Variants in VEPH1 observed in about 807,000 individuals in gnomAD.
VEPH1 encodes the protein ventricular zone expressed PH domain containing 1.
A neutral mutation model predicts 85.2 loss-of-function variants in VEPH1; 80 were observed. The observed-to-expected ratio is 0.94, with a 90% CI of 0.78 to 1.13. VEPH1 has a LOEUF of 1.13. Among genes scored for constraint, VEPH1 ranks in the 50% most tolerant of loss-of-function variants. VEPH1 has a pLI of 0.00. For synonymous variants in VEPH1, 297 were observed against 348.0 expected (o/e 0.85, Z 1.63); for missense variants, 955 against 980.5 (o/e 0.97, Z 0.35).
intron 2 of VEPH1, among the ~76,000 whole-genome samples, chr3:157,475,964 T>C (rs774782018): frequency 6.6e-6 from 1 of 152,198 alleles, no homozygotes; most frequent in South Asian, 2.1e-4. Flanking sequence ...ACACATGGGA[T>C]TGGACATAAA....
intron 12 of VEPH1, among the ~76,000 whole-genome samples, chr3:157,283,099 G>A (rs899634965): frequency 6.6e-6 from 1 of 152,154 alleles, no homozygotes; most frequent in Non-Finnish European, 1.5e-5. Flanking sequence ...AAGTCATCGA[G>A]GAAGTAGATC....
intron 11 of VEPH1, among the ~76,000 whole-genome samples, chr3:157,312,060 A>C (rs1238074014): frequency 1.3e-5 from 2 of 152,228 alleles, no homozygotes; most frequent in African/African-American, 4.8e-5. Context: ...CATCATTTAA[A>C]AATATTATGT....
intron 11 of VEPH1, among the ~76,000 whole-genome samples, chr3:157,295,624 A>G (rs943545611): frequency 3.0e-5 from 2 of 66,262 alleles, no homozygotes; most frequent in African/African-American, 1.2e-4. Context: ...CAGTTTTAAG[A>G]AAGTTGAACC....
At chr3:157,326,432 G>A (rs1242547944) in intron 9 of VEPH1, among the ~76,000 whole-genome samples, 1 of 152,098 alleles carries the variant, frequency 6.6e-6, no homozygotes, top group African/African-American at 2.4e-5. Flanking sequence ...TGCCAAAATT[G>A]GGTTATGCAG....
At chr3:157,385,976 T>C (rs1232593744) in intron 6 of VEPH1, among the ~76,000 whole-genome samples, 2 of 152,182 alleles carry the variant, frequency 1.3e-5, no homozygotes, top group Non-Finnish European at 2.9e-5. Flanking sequence ...ATAAAAAACA[T>C]TGCATTCACT....
At chr3:157,263,784 A>G (rs1278302898) in intron 13 of VEPH1, among the ~76,000 whole-genome samples, 2 of 152,230 alleles carry the variant, frequency 1.3e-5, no homozygotes, top group African/African-American at 4.8e-5. Flanking sequence ...GTCAGAATAC[A>G]CGATACTTGA....
chr3:157,288,842 T>G (rs1034753315), intron 11 of VEPH1, among the ~76,000 whole-genome samples: 2 of 152,224 alleles, frequency 1.3e-5, no homozygotes. Flanking sequence ...TGGCTTGTGT[T>G]CTGGGGTTGG....
intron 9 of VEPH1, among the ~76,000 whole-genome samples, chr3:157,343,270 T>G (rs1489558260): frequency 6.6e-6 from 1 of 152,058 alleles, no homozygotes. Context: ...ACAAAATTGA[T>G]AGACCACTAG....
rs758627554 is a variant in VEPH1 at position 157,364,472 on chromosome 3, C to T, written c.1168G>A (p.Glu390Lys). The change falls in exon 8 of 14, where the codon GAA (glutamate) becomes AAA (lysine). Residue 390 changes from glutamate to lysine, a missense_variant. By Grantham distance (56) the Glu-to-Lys change is moderately conservative. Coordinates refer to ENST00000362010, the MANE Select transcript of VEPH1 (RefSeq NM_001167912.2). ...TCAGTTACTATGAGCTTGGTTTCTT[C>T]CAGTTTCTCAGGGAATTCAATTTCA... ...STEIEFPEKL[E>K]ETKLIVTENE... 3.7e-6 allele frequency: 6 copies of T among 1,613,788 alleles called. No homozygotes were observed. The highest frequency in any genetic ancestry group is 4.2e-6 in the Non-Finnish European group (5 of 1,179,936).
intron 9 of VEPH1, among the ~76,000 whole-genome samples, chr3:157,317,458 C>T (rs1720868930): frequency 6.6e-6 from 1 of 152,100 alleles, no homozygotes; most frequent in African/African-American, 2.4e-5. Flanking sequence ...GGGGAAAACC[C>T]TCTCACCAAT....
intron 11 of VEPH1, among the ~76,000 whole-genome samples, chr3:157,291,969 A>G (rs1717530202): frequency 6.6e-6 from 1 of 152,202 alleles, no homozygotes. Context: ...ATATATCTGC[A>G]TATCTATGGG....
At chr3:157,353,233 C>A (rs1000913695) in intron 9 of VEPH1, among the ~76,000 whole-genome samples, 5 of 152,006 alleles carry the variant, frequency 3.3e-5, no homozygotes, top group Non-Finnish European at 7.4e-5. Flanking sequence ...TTCCCCCTCC[C>A]TCTCGCTTTC....
chr3:157,455,259 G>A (rs772295786), intron 4 of VEPH1, among the ~76,000 whole-genome samples: 1 of 152,044 alleles, frequency 6.6e-6, no homozygotes, highest in Non-Finnish European at 1.5e-5. Flanking sequence ...AACATCTATT[G>A]TTTTCTGAAT....
At chr3:157,330,707 C>T (rs535954277) in intron 9 of VEPH1, among the ~76,000 whole-genome samples, 3 of 152,118 alleles carry the variant, frequency 2.0e-5, no homozygotes, top group Admixed American at 2.0e-4. Context: ...GATCATGGAG[C>T]CTTGTCTTGC....
chr3:157,311,102 T>C (rs1465034410), intron 11 of VEPH1, among the ~76,000 whole-genome samples: 1 of 152,262 alleles, frequency 6.6e-6, no homozygotes, highest in East Asian at 1.9e-4. Context: ...AAGCACCTTG[T>C]AGCTCTGGCA....
intron 4 of VEPH1, among the ~76,000 whole-genome samples, chr3:157,457,772 T>C (rs1735503726): frequency 6.6e-6 from 1 of 152,186 alleles, no homozygotes; most frequent in Non-Finnish European, 1.5e-5. Context: ...GTTTTGCCAG[T>C]ATTTTGTTGA....
rs1208378235 is a variant in VEPH1, at chr3:157,460,307, T to A, written c.403A>T (p.Lys135Ter). The A allele has an allele frequency of 6.2e-7, 1 of 1,614,178 alleles. No homozygotes were observed. ...VMALAIPIAV[K>*]FLHRGNKELC... ...TCCTTGTTGCCTCTGTGGAGGAATT[T>A]CACTGCAATGGGGATGGCTAATGCC... Residue 135 changes from lysine (K) to a stop codon, truncating the protein, a stop_gained, in exon 4 of 14, where the codon AAA becomes TAA. Transcript: ENST00000362010. LOFTEE classifies it high-confidence loss of function.
intron 7 of VEPH1, among the ~76,000 whole-genome samples, chr3:157,369,179 T>TAAAAAAAA (rs1560000948): frequency 2.0e-4 from 3 of 15,060 alleles, no homozygotes; most frequent in Admixed American, 1.1e-3. Flanking sequence ...AAAAACCAAA[T>TAAAAAAAA]GAAAAAAAAA....
At chr3:157,294,515 A>G (rs1292531900) in intron 11 of VEPH1, among the ~76,000 whole-genome samples, 1 of 152,200 alleles carries the variant, frequency 6.6e-6, no homozygotes, top group Non-Finnish European at 1.5e-5. Context: ...CAGTGATTTA[A>G]TGGTGTGCAT....
Sources: allele counts gnomAD v4.1 joint callset (sites outside exome capture counted in the v4.1 genomes callset), GRCh38; gene constraint gnomAD v4.1.1; transcripts MANE v1.5; gene names NCBI Gene and HGNC (gene_info 2026-07-23, HGNC 2026-07-21).